NCBP3: variants seen among roughly 807,000 people sequenced by gnomAD.
The protein encoded by NCBP3 is nuclear cap-binding protein subunit 3.
In NCBP3, 20 loss-of-function variants were observed where a neutral mutation model predicts 75.7. The ratio of observed to expected loss-of-function variants is 0.26; its 90% CI spans 0.19 to 0.38. The LOEUF (loss-of-function observed/expected upper bound fraction) is 0.38. NCBP3 is among the 10% of genes least tolerant of loss of function. The pLI, the probability that NCBP3 is intolerant of heterozygous loss-of-function variation, is 1.00. For synonymous variants in NCBP3, 293 were observed against 290.5 expected (o/e 1.01, Z -0.09); for missense variants, 678 against 796.9 (o/e 0.85, Z 1.80).
rs775440076 is a variant in NCBP3 at position 3,846,060 on chromosome 17, G to A, written c.164C>T (p.Ser55Leu). Residue 55 changes from serine to leucine, a missense_variant, in exon 1 of 13, where the codon TCG becomes TTG. Physicochemically the swap from Ser to Leu is moderately radical, Grantham distance 145. Around this residue, in one of 7 missense-constraint regions of NCBP3, gnomAD observed 46 missense variants for 82.8 expected, o/e 0.56. Transcript: ENST00000389005. The surrounding 1 kb of genome is among the most constrained non-coding windows in gnomAD (Gnocchi z 4.6). ...GELEIVPVRR[S>L]LKELIPDTSR... ...CCGTACCGGGATCAGTTCCTTGAGC[G>A]AGCGCCGCACAGGCACGATTTCCAG... The A allele has an allele frequency of 6.5e-5, 100 of 1,548,524 alleles. No homozygotes were observed. The highest frequency in any genetic ancestry group is 6.1e-4 in the South Asian group (51 of 84,018).
intron 3 of NCBP3, among the ~76,000 whole-genome samples, chr17:3,836,485 T>G (rs1378072365): frequency 2.0e-5 from 3 of 151,702 alleles, no homozygotes; most frequent in Admixed American, 6.6e-5. Flanking sequence ...AAACCCCGTC[T>G]CTACTAAAAA....
At chr17:3,836,195 C>T (rs1003871361) in intron 3 of NCBP3, among the ~76,000 whole-genome samples, 25 of 152,100 alleles carry the variant, frequency 1.6e-4, no homozygotes, top group African/African-American at 6.0e-4. Context: ...ATGGTTATTC[C>T]AATTTCCTCA....
Position 3,807,403 on chromosome 17 carries a change from GA to G in NCBP3, c.*5640del, listed in dbSNP as rs1460348592. The G allele has an allele frequency of 4.6e-5, 7 of 150,568 alleles. No homozygotes were observed. Among genetic ancestry groups the G allele is most frequent in the Non-Finnish European group, 1.0e-4 (7 of 68,016 alleles). 9.3% of individuals were successfully genotyped at this position (150,568 alleles called of 1,614,324 possible). A position where few individuals can be genotyped will look rare whatever the true frequency, so the allele number is the denominator to read the frequency against. On this transcript the variant is annotated 3_prime_UTR_variant, in exon 13 of 13. Coordinates refer to ENST00000389005, the MANE Select transcript of NCBP3 (RefSeq NM_001114118.3). The stretch of plus-strand genomic sequence containing the variant: ...AAGTTTACTCAGGTCTATTTAATGA[GA>G]TTTTTTTTTCTTATACAACCATATG...
intron 3 of NCBP3, among the ~76,000 whole-genome samples, chr17:3,830,911 T>C (rs1369001665): frequency 1.3e-5 from 2 of 150,478 alleles, no homozygotes; most frequent in South Asian, 2.1e-4. Flanking sequence ...CTACCTTTTT[T>C]TTTTTTTCTT....
chr17:3,825,921 A>G (rs1479535357), intron 5 of NCBP3, 78 bp from the exon 6 acceptor site: 3 of 1,404,700 alleles, frequency 2.1e-6, no homozygotes, highest in East Asian at 5.0e-5. Flanking sequence ...ACTATCTCAT[A>G]TAATTTTAAA....
intron 9 of NCBP3, among the ~76,000 whole-genome samples, chr17:3,819,963 ATTATT>A (rs2053631772): frequency 6.6e-6 from 1 of 152,152 alleles, no homozygotes; most frequent in Admixed American, 6.5e-5. Flanking sequence ...TATTATTATT[ATTATT>A]TTGAGACAAA....
rs1243822789 is a variant in NCBP3 at position 3,809,495 on chromosome 17, C to CA, written c.*3548dup. The CA allele has an allele frequency of 6.6e-6, 1 of 152,194 alleles. No individual in the cohort carries two copies. 9.4% of individuals were successfully genotyped at this position (152,194 alleles called of 1,614,324 possible). ...AAGAGGTGGGCAGATCACCTGAGGTCAGGAGTTCGAGACCAGCCTGACCAA... is the reference window on the plus strand; with the variant it reads ...AAGAGGTGGGCAGATCACCTGAGGTCAAGGAGTTCGAGACCAGCCTGACCAA... On this transcript the variant is annotated 3_prime_UTR_variant, in exon 13 of 13. Coordinates refer to ENST00000389005, the MANE Select transcript of NCBP3 (RefSeq NM_001114118.3).
rs2891 is a variant in NCBP3 at position 3,802,232 on chromosome 17, C to T, written c.*10812G>A. 0.61 allele frequency: 92,872 copies of T among 152,002 alleles called. 30,628 individuals carry two copies. The highest frequency in any genetic ancestry group is 0.89 in the African/African-American group (36,743 of 41,500). The allele number at this position is 152,002 out of a possible 1,614,324, so 9.4% of individuals were successfully genotyped here. On this transcript the variant is annotated 3_prime_UTR_variant, in exon 13 of 13. Coordinates refer to ENST00000389005, the MANE Select transcript of NCBP3 (RefSeq NM_001114118.3). ...CAGGACATTCCAAGGCTCTCTAACA[C>T]GAGTGTCTGCAGCCCCATTCGCTTT...
In NCBP3 at chr17:3,810,361, G is replaced by C. The variant is rs899287197; in HGVS notation, c.*2683C>G. The C allele has an allele frequency of 2.6e-5, 4 of 152,236 alleles. No individual in the cohort carries two copies. Among genetic ancestry groups the C allele is most frequent in the Admixed American group, 6.5e-5 (1 of 15,278 alleles). 9.4% of individuals were successfully genotyped at this position (152,236 alleles called of 1,614,324 possible). A position where few individuals can be genotyped will look rare whatever the true frequency, so the allele number is the denominator to read the frequency against. ...CCTGAGGACGCCACAAATTATCCTG[G>C]GTACCTGGTAACTCTCCAGAGAGGA... On this transcript the variant is annotated 3_prime_UTR_variant, in exon 13 of 13. Transcript: ENST00000389005.
rs184657747 is a variant in NCBP3, at chr17:3,826,004, A to G, written c.610+83T>C. ...TAGTTCAGAAACACTTGGTGATGAG[A>G]TGCTATATAGAGCTCTGCTCAGAAA... On this transcript the variant is annotated intron_variant, in intron 5 of 12. Transcript: ENST00000389005. 2.8e-5 allele frequency: 42 copies of G among 1,486,690 alleles called. No homozygotes were observed. The Admixed American group carries it at 6.4e-4, about 23-fold the overall frequency. 92.1% of individuals were successfully genotyped at this position (1,486,690 alleles called of 1,614,324 possible). A position where few individuals can be genotyped will look rare whatever the true frequency, so the allele number is the denominator to read the frequency against.
intron 1 of NCBP3, among the ~76,000 whole-genome samples, chr17:3,844,332 C>T (rs185929277): frequency 1.6e-4 from 25 of 152,324 alleles, no homozygotes; most frequent in African/African-American, 5.8e-4. Flanking sequence ...GCCTTCCTGA[C>T]CTCTTTTACT....
At chr17:3,816,783 C>T (rs1046906562) in intron 10 of NCBP3, among the ~76,000 whole-genome samples, 2 of 152,234 alleles carry the variant, frequency 1.3e-5, no homozygotes, top group African/African-American at 2.4e-5. Flanking sequence ...CCTGTAATCC[C>T]AGCACTTTGG....
rs191637053 is a variant in NCBP3, at chr17:3,818,764, T to C, written c.1001-192A>G. 1.7e-3 allele frequency among the ~76,000 whole-genome samples: 258 copies of C among 152,348 alleles called. 2 individuals are homozygous for C. Among genetic ancestry groups the C allele is most frequent in the African/African-American group, 5.9e-3 (245 of 41,580 alleles). On this transcript the variant is annotated intron_variant, in intron 9 of 12. Transcript: ENST00000389005. The surrounding 1 kb of genome is among the most constrained non-coding windows in gnomAD (Gnocchi z 4.7). ...AGGAGGATGGCTAGGTAAAGTATGA[T>C]GCAGCAGCCTAACCAAATACCATAA...
rs984272442 is a variant in NCBP3 at position 3,818,588 on chromosome 17, C to T, written c.1001-16G>A. On this transcript the variant is annotated splice_polypyrimidine_tract_variant and intron_variant, in intron 9 of 12. Coordinates refer to ENST00000389005, the MANE Select transcript of NCBP3 (RefSeq NM_001114118.3). The surrounding 1 kb of genome is among the most constrained non-coding windows in gnomAD (Gnocchi z 4.7). ...TTCACTAGCCCTGAAGAAATTTAAC[C>T]AGAAAACATTAGGAAAAGCACTAAA... The T allele has an allele frequency of 1.9e-6, 3 of 1,582,688 alleles. No homozygotes were observed. Among genetic ancestry groups the T allele is most frequent in the Non-Finnish European group, 2.6e-6 (3 of 1,169,242 alleles).
chr17:3,832,803 A>G (rs962407722), intron 3 of NCBP3, among the ~76,000 whole-genome samples: 7 of 152,200 alleles, frequency 4.6e-5, no homozygotes, highest in Non-Finnish European at 8.8e-5. Context: ...TACAAACAAA[A>G]AAATGCATTT....
At chr17:3,834,962 A>G (rs936864604) in intron 3 of NCBP3, among the ~76,000 whole-genome samples, 7 of 152,314 alleles carry the variant, frequency 4.6e-5, no homozygotes, top group South Asian at 2.1e-4. Context: ...CCAGTTCCTC[A>G]TGACAGTAAA....
chr17:3,814,547 T>C, intron 11 of NCBP3, 64 bp from the exon 12 acceptor site: 1 of 1,559,258 alleles, frequency 6.4e-7, no homozygotes, highest in South Asian at 1.2e-5. Context: ...ACCAGCCGCC[T>C]GACACCTCTA....
chr17:3,831,139 G>A (rs1348436385), intron 3 of NCBP3, among the ~76,000 whole-genome samples: 2 of 148,690 alleles, frequency 1.3e-5, no homozygotes, highest in Admixed American at 6.7e-5. Flanking sequence ...TCGAACTCCC[G>A]ACCTCAGGTG....
rs918707743 is a variant in NCBP3, at chr17:3,807,069, T to G, written c.*5975A>C. On this transcript the variant is annotated 3_prime_UTR_variant, in exon 13 of 13. Transcript: ENST00000389005. The stretch of plus-strand genomic sequence containing the variant: ...CGTGTGTTAGCATCTCACCGTAACT[T>G]AATGCTTCGAGTGAGAAGTTTGAGG... The G allele has an allele frequency of 6.6e-5, 10 of 152,242 alleles. No homozygotes were observed. The highest frequency in any genetic ancestry group is 2.2e-4 in the African/African-American group (9 of 41,462). The allele number at this position is 152,242 out of a possible 1,614,324, so 9.4% of individuals were successfully genotyped here.
Sources: allele counts gnomAD v4.1 joint callset (sites outside exome capture counted in the v4.1 genomes callset), GRCh38; gene constraint gnomAD v4.1.1; regional missense constraint gnomAD v4.1.1; non-coding constraint Gnocchi (gnomAD v3.1); transcripts MANE v1.5; gene names NCBI Gene and HGNC (gene_info 2026-07-23, HGNC 2026-07-21).